AZIN2: variants seen among roughly 807,000 people sequenced by gnomAD.
AZIN2 encodes ODC antizyme inhibitor-2.
Under a neutral mutation model 47.8 loss-of-function variants are expected in AZIN2, and 28 were observed. That is an observed-to-expected ratio of 0.59 (90% CI 0.43 to 0.80). AZIN2 has a LOEUF of 0.80. Ranked by LOEUF, AZIN2 falls within the 30% of genes least tolerant of loss-of-function variation. The pLI is 0.00. For missense variants in AZIN2, 535 were observed against 582.5 expected (o/e 0.92, Z 0.84); for synonymous variants, 221 against 239.4 (o/e 0.92, Z 0.71).
rs1284785169 is a variant in AZIN2 at position 33,082,517 on chromosome 1, T to G, written c.105+163T>G. On this transcript the variant is annotated intron_variant, in intron 4 of 11. Transcript: ENST00000294517. Reference sequence around the variant, plus strand: ...CAATTTATCCCCAATTCTTTGTCCTTGCCCCCAAACCTGCCCCTCCTATGT... The same window carrying G: ...CAATTTATCCCCAATTCTTTGTCCTGGCCCCCAAACCTGCCCCTCCTATGT... 1.2e-5 allele frequency: 7 copies of G among 573,324 alleles called. No homozygotes were observed. In the East Asian group the frequency reaches 2.3e-4, roughly 19 times the overall value. 35.5% of individuals were successfully genotyped at this position (573,324 alleles called of 1,614,324 possible).
At chr1:33,124,794 G>C (rs1214162698), downstream of AZIN2, among the ~76,000 whole-genome samples, 1 of 152,158 alleles carries the variant, frequency 6.6e-6, no homozygotes, top group African/African-American at 2.4e-5. This position sits in a 1 kb window ranked among gnomAD's most constrained non-coding sequence, Gnocchi z 4.6. Context: ...TCTTGTGATA[G>C]TTTGCTCAGA....
Position 33,121,526 on chromosome 1 carries a change from C to T in AZIN2, c.*1344C>T, listed in dbSNP as rs1644795161. Among the ~76,000 whole-genome samples the T allele has an allele frequency of 6.6e-6, 1 of 152,124 alleles. No homozygotes were observed. The highest frequency in any genetic ancestry group is 2.4e-5 in the African/African-American group (1 of 41,418). ...GCAGTGAGCCGAGGTTGCAGTGAGC[C>T]GAGATTGCACCACTGCACTCCAGCC... On this transcript the variant is annotated 3_prime_UTR_variant, in exon 12 of 12. Coordinates refer to ENST00000294517, the MANE Select transcript of AZIN2 (RefSeq NM_052998.4).
chr1:33,119,952 G>C, intron 11 of AZIN2, 92 bp from the exon 12 acceptor site: 1 of 1,562,920 alleles, frequency 6.4e-7, no homozygotes, highest in Non-Finnish European at 8.7e-7. Context: ...GGGCTCACGT[G>C]AGAGCCCTCT....
intron 11 of AZIN2, 145 bp downstream of exon 11, chr1:33,118,261 C>T: frequency 2.2e-6 from 2 of 907,222 alleles, no homozygotes; most frequent in Non-Finnish European, 1.6e-6. Flanking sequence ...ATGTGCTTGG[C>T]ACCTGGCTGT....
At chr1:33,111,714 A>G (rs1644297041) in intron 10 of AZIN2, among the ~76,000 whole-genome samples, 1 of 150,148 alleles carries the variant, frequency 6.7e-6, no homozygotes, top group Non-Finnish European at 1.5e-5. Context: ...CAATTCTCCC[A>G]CCTCAGCCTC....
chr1:33,129,410 G>A, the AZIN2 span, among the ~76,000 whole-genome samples: 2 of 152,074 alleles, frequency 1.3e-5, no homozygotes, highest in Non-Finnish European at 2.9e-5. This position sits in a 1 kb window ranked among gnomAD's most constrained non-coding sequence, Gnocchi z 4.1. Flanking sequence ...TGATAAAGGC[G>A]GTACACAGAC....
chr1:33,098,577 AAGT>A (rs1643396433), intron 10 of AZIN2, among the ~76,000 whole-genome samples: 2 of 152,206 alleles, frequency 1.3e-5, no homozygotes. Flanking sequence ...AAATTCCTGG[AAGT>A]AGAAACAGTT....
Position 33,094,646 on chromosome 1 carries a change from A to G in AZIN2, c.686A>G (p.Lys229Arg), listed in dbSNP as rs149801576. ...VFEMGTELGHKMHVLDLGGGF... is the reference protein window; with the variant it reads ...VFEMGTELGHRMHVLDLGGGF... The stretch of plus-strand genomic sequence containing the variant: ...GAAATGGGCACCGAGCTGGGTCACA[A>G]GATGCACGTTCTGGACCTTGGTGGT... The change falls in exon 8 of 12, where the codon AAG (lysine) becomes AGG (arginine). Residue 229 changes from lysine (K) to arginine (R), a missense_variant. Lys to Arg is a conservative substitution (Grantham distance 26). Transcript: ENST00000294517. The G allele has an allele frequency of 8.6e-4, 1,393 of 1,614,186 alleles. 3 individuals are homozygous for G. The highest frequency in any genetic ancestry group is 1.1e-3 in the Non-Finnish European group (1,260 of 1,180,030).
intron 5 of AZIN2, among the ~76,000 whole-genome samples, chr1:33,088,900 T>G (rs1642228185): frequency 6.6e-6 from 1 of 152,192 alleles, no homozygotes; most frequent in Non-Finnish European, 1.5e-5. Flanking sequence ...ATTCCATCAT[T>G]ATTCAGCGCT....
intron 4 of AZIN2, chr1:33,082,719 G>A: frequency 5.4e-6 from 1 of 185,890 alleles, no homozygotes; most frequent in South Asian, 9.4e-5. Context: ...TCTCTCCAAA[G>A]GCCCCCTGAT....
chr1:33,085,630 G>A (rs187588755), intron 5 of AZIN2, among the ~76,000 whole-genome samples: 3 of 152,304 alleles, frequency 2.0e-5, no homozygotes, highest in Non-Finnish European at 2.9e-5. Context: ...GGGCTGGAGC[G>A]ACTCCAGGTT....
intron 10 of AZIN2, among the ~76,000 whole-genome samples, chr1:33,117,485 A>T (rs956382879): frequency 6.6e-6 from 1 of 152,382 alleles, no homozygotes; most frequent in Admixed American, 6.5e-5. Context: ...AACAGCAATC[A>T]CAACAATAAG....
chr1:33,082,222 T>A lies in AZIN2; in HGVS notation c.-28T>A. The A allele has an allele frequency of 6.3e-7, 1 of 1,592,282 alleles. No individual in the cohort carries two copies. The highest frequency in any genetic ancestry group is 1.1e-5 in the South Asian group (1 of 90,556). ...GGCGGCGGCTGCAGCAGCGGCTCCATCCAGCCCGTCAGCTCCTCCTGCAAG... is the reference window on the plus strand; with the variant it reads ...GGCGGCGGCTGCAGCAGCGGCTCCAACCAGCCCGTCAGCTCCTCCTGCAAG... On this transcript the variant is annotated 5_prime_UTR_variant, in exon 4 of 12. Coordinates refer to ENST00000294517, the MANE Select transcript of AZIN2 (RefSeq NM_052998.4).
intron 3 of AZIN2, 118 bp from the exon 4 acceptor site, chr1:33,082,060 A>C: frequency 5.0e-6 from 3 of 599,810 alleles, no homozygotes; most frequent in Non-Finnish European, 9.0e-6. Flanking sequence ...TGCCCAGTGA[A>C]CCCCGGGCTT....
chr1:33,082,144 C>T (rs1230019756), intron 3 of AZIN2, 34 bp from the exon 4 acceptor site: 2 of 943,654 alleles, frequency 2.1e-6, no homozygotes, highest in South Asian at 1.4e-5. Context: ...AGCCGGCCCC[C>T]CAGCGGTTCC....
the AZIN2 span, chr1:33,159,734 T>C: frequency 5.0e-6 from 8 of 1,612,454 alleles, no homozygotes; most frequent in Admixed American, 1.2e-4. This position sits in a 1 kb window ranked among gnomAD's most constrained non-coding sequence, Gnocchi z 4.2. Flanking sequence ...TGCCGGTCGG[T>C]TTCAGCCAGC....
intron 10 of AZIN2, among the ~76,000 whole-genome samples, chr1:33,101,650 C>G (rs1274098628): frequency 6.6e-6 from 1 of 152,140 alleles, no homozygotes; most frequent in Admixed American, 6.5e-5. Flanking sequence ...GCCTTCCATG[C>G]AAAGTCGTCA....
Position 33,082,180 on chromosome 1 carries a change from TGTTGCATACTTTCTAA to T in AZIN2, c.-68_-53del. ...CTTCATCTCCCCTCGCCCCGCAGTGTGTTGCATACTTTCTAAGGCGGCGGCTGCAGCAGCGGCTCCA... is the reference window on the plus strand; with the variant it reads ...CTTCATCTCCCCTCGCCCCGCAGTGTGGCGGCGGCTGCAGCAGCGGCTCCA... On this transcript the variant is annotated 5_prime_UTR_variant, in exon 4 of 12. Transcript: ENST00000294517. The T allele has an allele frequency of 7.9e-7, 1 of 1,258,066 alleles. No homozygotes were observed. The highest frequency in any genetic ancestry group is 1.1e-6 in the Non-Finnish European group (1 of 870,016). The allele number at this position is 1,258,066 out of a possible 1,614,324, so 77.9% of individuals were successfully genotyped here.
chr1:33,116,397 C>T (rs749359935), intron 10 of AZIN2, among the ~76,000 whole-genome samples: 15 of 152,120 alleles, frequency 9.9e-5, no homozygotes, highest in Non-Finnish European at 1.8e-4. Flanking sequence ...GGTATTGAAA[C>T]GCCTTTCCTT....
Sources: gnomAD v4.1 joint callset for allele counts (sites outside exome capture counted in the v4.1 genomes callset) on GRCh38, gnomAD v4.1.1 for gene constraint, Gnocchi (gnomAD v3.1) non-coding constraint, MANE v1.5 for transcripts, NCBI Gene and HGNC (gene_info 2026-07-23, HGNC 2026-07-21) for gene names.